Variants in PCBP3 observed in about 807,000 individuals in gnomAD.
PCBP3 encodes the protein poly(rC)-binding protein 3.
A neutral mutation model predicts 52.7 loss-of-function variants in PCBP3; 25 were observed. The ratio of observed to expected loss-of-function variants is 0.47; its 90% confidence interval spans 0.35 to 0.66. The LOEUF (loss-of-function observed/expected upper bound fraction) is 0.66. PCBP3 is among the 30% of genes least tolerant of loss of function. The pLI, the probability that PCBP3 is intolerant of heterozygous loss-of-function variation, is 0.01. For synonymous variants in PCBP3, 162 were observed against 183.0 expected, an observed-to-expected ratio of 0.89 and a Z score of 0.93; for missense variants, 391 against 490.3, an observed-to-expected ratio of 0.80 and a Z score of 1.91.
At chr21:45,699,619 A>G (rs2082985365) in intron 2 of PCBP3, among the ~76,000 whole-genome samples, 1 of 152,254 alleles carries the variant, frequency 6.6e-6, no homozygotes, top group Non-Finnish European at 1.5e-5. Context: ...GAAGAGGTTT[A>G]ATTGAAGGAC....
intron 4 of PCBP3, among the ~76,000 whole-genome samples, chr21:45,798,243 G>A (rs1174241842): frequency 1.4e-5 from 2 of 142,874 alleles, no homozygotes; most frequent in African/African-American, 5.3e-5. Context: ...GTACATGGAT[G>A]AATGCATGGA....
At chr21:45,785,609 G>A (rs1384933036) in intron 4 of PCBP3, among the ~76,000 whole-genome samples, 2 of 152,054 alleles carry the variant, frequency 1.3e-5, no homozygotes, top group Non-Finnish European at 2.9e-5. Flanking sequence ...CCCTCTGCCC[G>A]GCCACCACCC....
At chr21:45,806,790 A>C (rs1444521632) in intron 4 of PCBP3, among the ~76,000 whole-genome samples, 1 of 151,802 alleles carries the variant, frequency 6.6e-6, no homozygotes, top group Non-Finnish European at 1.5e-5. Context: ...TCAGAATTCC[A>C]CTTCTGGTCC....
At chr21:45,804,691 C>T (rs1343287567) in intron 4 of PCBP3, among the ~76,000 whole-genome samples, 1 of 152,132 alleles carries the variant, frequency 6.6e-6, no homozygotes, top group African/African-American at 2.4e-5. Flanking sequence ...CTCCTGAAAT[C>T]ACAGTGACTT....
intron 2 of PCBP3, among the ~76,000 whole-genome samples, chr21:45,698,298 G>A (rs2082909122): frequency 6.6e-6 from 1 of 152,182 alleles, no homozygotes; most frequent in African/African-American, 2.4e-5. Context: ...CTCTGATTAT[G>A]CATACCTGAC....
At chr21:45,897,479 T>A (rs2095862509) in intron 6 of PCBP3, among the ~76,000 whole-genome samples, 1 of 152,202 alleles carries the variant, frequency 6.6e-6, no homozygotes, top group South Asian at 2.1e-4. Context: ...CCCAGGAACC[T>A]GTCCTCAGAC....
At chr21:45,665,198 T>G (rs918791712) in intron 1 of PCBP3, among the ~76,000 whole-genome samples, 6 of 151,918 alleles carry the variant, frequency 3.9e-5, no homozygotes, top group Non-Finnish European at 7.4e-5. Flanking sequence ...GGCCAGGAGT[T>G]CAAGACTGCC....
intron 3 of PCBP3, among the ~76,000 whole-genome samples, chr21:45,739,330 CT>C (rs781007107): frequency 3.4e-4 from 13 of 37,898 alleles, no homozygotes; most frequent in South Asian, 7.2e-4. Flanking sequence ...TGGGTGGCCC[CT>C]CCCATCTTCA....
At chr21:45,939,874 G>T (rs1042058108) in intron 16 of PCBP3, among the ~76,000 whole-genome samples, 156 bp from the exon 17 acceptor site, 3 of 152,324 alleles carry the variant, frequency 2.0e-5, no homozygotes, top group East Asian at 1.9e-4. Flanking sequence ...CTGCAGGCAG[G>T]TGTGGGCGGG....
chr21:45,779,060 C>G (rs186964145), intron 4 of PCBP3, among the ~76,000 whole-genome samples: 2 of 152,238 alleles, frequency 1.3e-5, no homozygotes, highest in African/African-American at 4.8e-5. Flanking sequence ...TGGGAGCACT[C>G]CCAGCTTGTT....
rs986615058 is a variant in PCBP3 at position 45,704,440 on chromosome 21, G to A, written c.-199-30952G>A. Among the ~76,000 whole-genome samples, 6 of 152,164 alleles carry A rather than the reference G, an allele frequency of 3.9e-5. No individual in the cohort carries two copies. The highest frequency in any genetic ancestry group is 2.0e-4 in the Admixed American group (3 of 15,282). On this transcript the variant is annotated intron_variant, in intron 2 of 17. Transcript: ENST00000681687. This position sits in a 1 kb window ranked among gnomAD's most constrained non-coding sequence, Gnocchi z 4.1. The stretch of plus-strand genomic sequence containing the variant: ...GCTATCCTCTGTTGCTGTGGTCTGC[G>A]GGCCAGCTGCAGACTGGGAGGCCGC...
chr21:45,770,536 C>T (rs1243575537), intron 4 of PCBP3, among the ~76,000 whole-genome samples: 3 of 152,066 alleles, frequency 2.0e-5, no homozygotes, highest in Admixed American at 6.5e-5. Flanking sequence ...GTGTTTCTTT[C>T]TTTCTGTTTG....
intron 2 of PCBP3, among the ~76,000 whole-genome samples, chr21:45,716,642 C>G (rs989435389): frequency 6.6e-6 from 1 of 152,046 alleles, no homozygotes; most frequent in African/African-American, 2.4e-5. Flanking sequence ...ATTATTAATA[C>G]CTCTTTAAAA....
At chr21:45,664,532 TA>T (rs2080645261) in intron 1 of PCBP3, among the ~76,000 whole-genome samples, 1 of 151,826 alleles carries the variant, frequency 6.6e-6, no homozygotes, top group African/African-American at 2.4e-5. Context: ...TCAAGGGGAC[TA>T]AAATTATAAT....
chr21:45,863,983 G>A (rs3788210), intron 5 of PCBP3, among the ~76,000 whole-genome samples: 13 of 152,172 alleles, frequency 8.5e-5, no homozygotes, highest in African/African-American at 2.6e-4. Context: ...CCGTCAGGCC[G>A]GCTGTTCCAC....
chr21:45,657,872 T>C (rs2080120744), intron 1 of PCBP3, among the ~76,000 whole-genome samples: 1 of 152,228 alleles, frequency 6.6e-6, no homozygotes, highest in African/African-American at 2.4e-5. Context: ...TACTTTTAAT[T>C]CTTTGCTTCT....
Position 45,724,675 on chromosome 21 carries a change from G to A in PCBP3, c.-199-10717G>A, listed in dbSNP as rs2084899889. Among the ~76,000 whole-genome samples the A allele has an allele frequency of 1.3e-5, 2 of 152,104 alleles. No homozygotes were observed. Among genetic ancestry groups the A allele is most frequent in the African/African-American group, 4.8e-5 (2 of 41,420 alleles). ...GTGGGCAGTGATGGGGAACAGCAAGGGTGGGGTGCCTCGGTGGGATCTGAA... is the reference window on the plus strand; with the variant it reads ...GTGGGCAGTGATGGGGAACAGCAAGAGTGGGGTGCCTCGGTGGGATCTGAA... On this transcript the variant is annotated intron_variant, in intron 2 of 17. Transcript: ENST00000681687. This position sits in a 1 kb window ranked among gnomAD's most constrained non-coding sequence, Gnocchi z 5.3.
intron 2 of PCBP3, among the ~76,000 whole-genome samples, chr21:45,732,400 G>A (rs190664564): frequency 4.6e-5 from 7 of 151,870 alleles, no homozygotes; most frequent in Admixed American, 3.9e-4. Flanking sequence ...TCTCACATAG[G>A]TACCCAGTTT....
rs1232012511 is a variant in PCBP3, at chr21:45,917,474, C to T, written c.676-114C>T. ...CCTAGGATGGGGACAGGTGGAGAGG[C>T]ACACGAGGGGGAAGCTTCTACCGGA... On this transcript the variant is annotated intron_variant, in intron 12 of 17. Transcript: ENST00000681687. This position sits in a 1 kb window ranked among gnomAD's most constrained non-coding sequence, Gnocchi z 5.3. 2.5e-6 allele frequency: 2 copies of T among 792,028 alleles called. No homozygotes were observed. Among genetic ancestry groups the T allele is most frequent in the Non-Finnish European group, 4.3e-6 (2 of 462,654 alleles). 49.1% of individuals were successfully genotyped at this position (792,028 alleles called of 1,614,324 possible). A position where few individuals can be genotyped will look rare whatever the true frequency, so the allele number is the denominator to read the frequency against.
Sources: allele counts gnomAD v4.1 joint callset (sites outside exome capture counted in the v4.1 genomes callset), GRCh38; gene constraint gnomAD v4.1.1; non-coding constraint Gnocchi (gnomAD v3.1); transcripts MANE v1.5; gene names NCBI Gene and HGNC (gene_info 2026-07-23, HGNC 2026-07-21).